The following PHF8 variants were observed in gnomAD, a reference collection of about 807,000 sequenced individuals.
PHF8 encodes PHD finger protein 8, also known as histone lysine demethylase PHF8.
PHF8 carries 9 observed loss-of-function variants against 74.4 expected under a neutral mutation model. That is an observed-to-expected ratio of 0.12 (90% CI 0.07 to 0.21). The LOEUF (loss-of-function observed/expected upper bound fraction) is 0.21, where lower values mean the gene tolerates loss of function less well. PHF8 is among the 10% of genes least tolerant of loss of function. The pLI, the probability that PHF8 is intolerant of heterozygous loss-of-function variation, is 1.00. For synonymous variants in PHF8, 311 were observed against 316.6 expected, an observed-to-expected ratio of 0.98 and a Z score of 0.19; for missense variants, 478 against 816.6, an observed-to-expected ratio of 0.59 and a Z score of 5.05.
At chrX:53,984,778 T>A in intron 18 of PHF8, 136 bp downstream of exon 18, 1 of 555,808 alleles carries the variant, frequency 1.8e-6, no homozygotes, top group South Asian at 2.4e-5. Flanking sequence ...TAGGAAAATA[T>A]GGCTTAGAGA....
intron 21 of PHF8, 26 bp downstream of exon 21, chrX:53,940,154 G>C: frequency 1.8e-6 from 2 of 1,121,148 alleles, no homozygotes; most frequent in Non-Finnish European, 2.4e-6. Context: ...AGATCCTTCG[G>C]TTCTACAACC....
chrX:53,993,870 T>C lies in PHF8; in HGVS notation c.1357A>G (p.Asn453Asp), dbSNP rs1569527501. 5 of 1,206,725 alleles carry C rather than the reference T, an allele frequency of 4.1e-6. No homozygotes were observed. The highest frequency in any genetic ancestry group is 2.3e-4 in the Middle Eastern group (1 of 4,347). Residue 453 changes from asparagine to aspartate, a missense_variant, in exon 13 of 22, where the codon AAT becomes GAT. Transcript: ENST00000338154. Reference protein sequence around the residue: ...IFQQNVGKTSNIFGLQRIFPA... With the variant: ...IFQQNVGKTSDIFGLQRIFPA... Reference sequence around the variant, plus strand: ...AAGATCCTCTGCAGCCCAAAGATATTGCTCGTCTTCCCAACGTTCTGTTGG... The same window carrying C: ...AAGATCCTCTGCAGCCCAAAGATATCGCTCGTCTTCCCAACGTTCTGTTGG...
In PHF8 at chrX:53,940,274, G is replaced by C. The variant is rs1719592883; in HGVS notation, c.2892C>G (p.Ala964=). The C allele has an allele frequency of 8.3e-7, 1 of 1,203,515 alleles. No homozygotes were observed. The highest frequency in any genetic ancestry group is 1.8e-5 in the South Asian group (1 of 55,607). Reference sequence around the variant, plus strand: ...TAGGTGTGGTGCTGCGGTTTGCCTGGGCCATGCCAAAGGCATTGGGACGAG... The same window carrying C: ...TAGGTGTGGTGCTGCGGTTTGCCTGCGCCATGCCAAAGGCATTGGGACGAG... ...YTARPNAFGM[A]QANRSTTPMA... Residue 964 remains alanine, a synonymous_variant, in exon 21 of 22, where the codon GCC becomes GCG. Coordinates refer to ENST00000338154, the MANE Select transcript of PHF8 (RefSeq NM_015107.3).
intron 19 of PHF8, among the ~76,000 whole-genome samples, chrX:53,949,827 A>G (rs1240039414): frequency 9.2e-6 from 1 of 108,188 alleles, no homozygotes. Context: ...AAAAAAAAAA[A>G]AAAAAAAAGA....
intron 19 of PHF8, among the ~76,000 whole-genome samples, chrX:53,950,132 A>G (rs2064900755): frequency 9.0e-6 from 1 of 111,690 alleles, no homozygotes; most frequent in Non-Finnish European, 1.9e-5. Context: ...AGCTTTGTGC[A>G]TTTTAACTTG....
At position 54,011,209 on chromosome X, in the gene PHF8, T is replaced by A; in HGVS notation, c.859A>T (p.Asn287Tyr). 1 of 1,205,935 alleles carries A rather than the reference T, an allele frequency of 8.3e-7. No homozygotes were observed. The highest frequency in any genetic ancestry group is 1.1e-6 in the Non-Finnish European group (1 of 890,186). ...TCCCCAAAGAACATCTCATTCTGAT[T>A]AGAGGAACTGCTCCAGCACTCAAAG... ...TLFECWSSSS[N>Y]QNEMFFGDQV... Residue 287 changes from asparagine (N) to tyrosine (Y), a missense_variant, in exon 8 of 22, where the codon AAT becomes TAT. Physicochemically the swap from Asn to Tyr is moderately radical, Grantham distance 143 (BLOSUM62 -2). Around this residue, in one of 9 missense-constraint regions of PHF8, gnomAD observed 70 missense variants for 234.1 expected, o/e 0.30. Transcript: ENST00000338154.
In PHF8 at chrX:54,035,356, C is replaced by CAA. The variant is rs375223185; in HGVS notation, c.98+7273_98+7274dup. 2.5e-3 allele frequency among the ~76,000 whole-genome samples: 223 copies of CAA among 88,771 alleles called. 2 individuals are homozygous for CAA. Among genetic ancestry groups the CAA allele is most frequent in the Non-Finnish European group, 3.7e-3 (165 of 44,554 alleles). 77.1% of individuals were successfully genotyped at this position (88,771 alleles called of 115,157 possible). A position where few individuals can be genotyped will look rare whatever the true frequency, so the allele number is the denominator to read the frequency against. On this transcript the variant is annotated intron_variant, in intron 2 of 21. Transcript: ENST00000338154. ...TGGGTGACAGAGTGAGACTCTGTCTCAAAAAAAAAAAGGAAAAAGAAAAGT... is the reference window on the plus strand; with the variant it reads ...TGGGTGACAGAGTGAGACTCTGTCTCAAAAAAAAAAAAAGGAAAAAGAAAAGT...
rs782496040 is a variant in PHF8 at position 54,016,566 on chromosome X, G to C, written c.596+29C>G. The C allele has an allele frequency of 2.2e-5, 26 of 1,180,026 alleles. 1 individual carries two copies. The South Asian group carries it at 4.3e-4, about 19-fold the overall frequency. ...CACACAAGTTTCAGGCACTTTGTCA[G>C]GTTTTTTTGTTATTCCTGCACCTCT... is the stretch of plus-strand genomic sequence containing the variant. On this transcript the variant is annotated intron_variant, in intron 6 of 21. Coordinates refer to ENST00000338154, the MANE Select transcript of PHF8 (RefSeq NM_015107.3).
At chrX:53,943,917 A>G (rs2064791849) in intron 20 of PHF8, among the ~76,000 whole-genome samples, 1 of 112,022 alleles carries the variant, frequency 8.9e-6, no homozygotes, top group Non-Finnish European at 1.9e-5. Context: ...TTTCATCCTG[A>G]ATCATGTCAA....
chrX:53,975,598 T>C (rs782203504), intron 18 of PHF8, among the ~76,000 whole-genome samples: 3 of 112,182 alleles, frequency 2.7e-5, no homozygotes, highest in African/African-American at 9.7e-5. Context: ...TGGAGGTCAT[T>C]ATATTAAGTG....
chrX:53,964,485 A>T (rs1303057568), intron 18 of PHF8, among the ~76,000 whole-genome samples: 1 of 112,029 alleles, frequency 8.9e-6, no homozygotes, highest in Non-Finnish European at 1.9e-5. Flanking sequence ...ATGAACATGG[A>T]AGATATTATG....
Position 53,939,163 on chromosome X carries a change from G to A in PHF8, c.3070C>T (p.Leu1024=). 1 of 1,208,622 alleles carries A rather than the reference G, an allele frequency of 8.3e-7. No individual in the cohort carries two copies. The change falls in exon 22 of 22, where the codon CTG becomes TTG. Residue 1024 remains leucine (L), a synonymous_variant. Coordinates refer to ENST00000338154, the MANE Select transcript of PHF8 (RefSeq NM_015107.3). Reference sequence around the variant, plus strand: ...GGGGTGGGACACAGGAGGGCTCACAGAAGTAGTTTGCCATTTCTGTGGATT... The same window carrying A: ...GGGGTGGGACACAGGAGGGCTCACAAAAGTAGTTTGCCATTTCTGTGGATT... The part of the protein sequence containing the change: ...LKIHRNGKLL[L]
intron 19 of PHF8, among the ~76,000 whole-genome samples, chrX:53,949,811 C>CAAAAAAAAAAAAAAAAAAAAAAAAAAAAA (rs11353359): frequency 4.1e-5 from 1 of 24,349 alleles, no homozygotes; most frequent in African/African-American, 1.3e-4. Context: ...GACTCCGTCT[C>CAAAAAAAAAAAAAAAAAAAAAAAAAAAAA]AAAAAAAAAA....
intron 2 of PHF8, among the ~76,000 whole-genome samples, chrX:54,031,710 C>T (rs1389593136): frequency 1.8e-5 from 2 of 111,072 alleles, no homozygotes; most frequent in African/African-American, 6.6e-5. Flanking sequence ...CTTCCACAAC[C>T]CCAATCCAAT....
intron 13 of PHF8, among the ~76,000 whole-genome samples, chrX:53,993,204 C>T (rs1468066950): frequency 1.8e-5 from 2 of 111,294 alleles, no homozygotes; most frequent in Non-Finnish European, 3.8e-5. Flanking sequence ...ATCTCATTCC[C>T]GTCCCAGCAT....
chrX:53,951,551 C>T (rs922742236), intron 19 of PHF8, among the ~76,000 whole-genome samples: 8 of 110,348 alleles, frequency 7.2e-5, no homozygotes, highest in African/African-American at 2.3e-4. Flanking sequence ...CCAGGGTTAA[C>T]GCCATTCTCC....
intron 8 of PHF8, among the ~76,000 whole-genome samples, chrX:54,003,122 T>A (rs1272563544): frequency 6.2e-5 from 7 of 112,340 alleles, no homozygotes; most frequent in Non-Finnish European, 9.4e-5. Context: ...ATAAAAAAAA[T>A]TTTATTTATG....
chrX:53,957,884 GCACT>G (rs1458340493), intron 19 of PHF8, among the ~76,000 whole-genome samples: 1 of 111,495 alleles, frequency 9.0e-6, no homozygotes, highest in African/African-American at 3.3e-5. Context: ...GAGAGAACAA[GCACT>G]CACTAAGGAT....
At position 53,999,964 on chromosome X, in the gene PHF8, A is replaced by G. The variant is rs1557103844; in HGVS notation, c.1142-3T>C. Reference sequence around the variant, plus strand: ...GTGTCTCCTGTTCTCTCGCAAACCTAAAGGAGGAAAGAGGAAAGCAGAGTG... The same window carrying G: ...GTGTCTCCTGTTCTCTCGCAAACCTGAAGGAGGAAAGAGGAAAGCAGAGTG... On this transcript the variant is annotated splice_polypyrimidine_tract_variant and splice_region_variant and intron_variant, in intron 10 of 21. Coordinates refer to ENST00000338154, the MANE Select transcript of PHF8 (RefSeq NM_015107.3). 1.8e-6 allele frequency: 2 copies of G among 1,137,452 alleles called. No homozygotes were observed. The highest frequency in any genetic ancestry group is 2.4e-6 in the Non-Finnish European group (2 of 828,646). 93.7% of individuals were successfully genotyped at this position (1,137,452 alleles called of 1,213,427 possible).
Sources: allele counts gnomAD v4.1 joint callset (sites outside exome capture counted in the v4.1 genomes callset), GRCh38; gene constraint gnomAD v4.1.1; regional missense constraint gnomAD v4.1.1; transcripts MANE v1.5; gene names NCBI Gene and HGNC (gene_info 2026-07-23, HGNC 2026-07-21).